Variants in TEF observed in about 807,000 individuals in gnomAD.
TEF encodes thyrotroph embryonic factor.
TEF carries 3 observed loss-of-function variants against 20.8 expected under a neutral mutation model. The observed-to-expected ratio is 0.14, with a 90% CI of 0.07 to 0.37. The LOEUF is 0.37. Among genes scored for constraint, TEF ranks in the 10% least tolerant of loss-of-function variants. The pLI, the probability that TEF is intolerant of heterozygous loss-of-function variation, is 1.00. For synonymous variants in TEF, 180 were observed against 171.1 expected, an observed-to-expected ratio of 1.05 and a Z score of -0.41; for missense variants, 296 against 397.9, an observed-to-expected ratio of 0.74 and a Z score of 2.18.
intron 1 of TEF, among the ~76,000 whole-genome samples, chr22:41,383,911 G>A (rs1194441416): frequency 3.9e-5 from 6 of 152,220 alleles, no homozygotes; most frequent in Non-Finnish European, 2.9e-5. Flanking sequence ...AGGGAGGAGA[G>A]CAGGAAGGCC....
At chr22:41,368,691 G>A (rs1020249578) in intron 1 of TEF, among the ~76,000 whole-genome samples, 1 of 152,144 alleles carries the variant, frequency 6.6e-6, no homozygotes, top group Non-Finnish European at 1.5e-5. Flanking sequence ...TTAGGGCAGG[G>A]GCTCCGGAGC....
intron 1 of TEF, among the ~76,000 whole-genome samples, chr22:41,383,833 G>A (rs1251514113): frequency 1.3e-5 from 2 of 152,134 alleles, no homozygotes; most frequent in Non-Finnish European, 2.9e-5. Context: ...TGCCTCCTTT[G>A]ATCCCAAATG....
At chr22:41,393,122 C>G (rs1426571093) in intron 2 of TEF, among the ~76,000 whole-genome samples, 1 of 151,856 alleles carries the variant, frequency 6.6e-6, no homozygotes, top group Admixed American at 6.6e-5. Flanking sequence ...AGGAAGATCA[C>G]TTGAGCCTAG....
At chr22:41,388,543 C>T (rs918849350) in intron 2 of TEF, among the ~76,000 whole-genome samples, 2 of 151,080 alleles carry the variant, frequency 1.3e-5, no homozygotes, top group Non-Finnish European at 2.9e-5. Context: ...ACCTCCATTA[C>T]CTACTAGCCT....
intron 1 of TEF, among the ~76,000 whole-genome samples, chr22:41,374,336 G>T (rs370874192): frequency 1.6e-3 from 246 of 152,152 alleles, no homozygotes; most frequent in African/African-American, 5.6e-3. Flanking sequence ...GGATCACAAG[G>T]TCAGGAGATC....
upstream of TEF, among the ~76,000 whole-genome samples, chr22:41,379,999 G>A (rs1255803156): frequency 6.6e-6 from 1 of 152,042 alleles, no homozygotes; most frequent in Non-Finnish European, 1.5e-5. Context: ...AAATGACTGA[G>A]GTTCAATTAC....
chr22:41,380,926 C>G (rs939259995), upstream of TEF, among the ~76,000 whole-genome samples: 1 of 152,230 alleles, frequency 6.6e-6, no homozygotes, highest in Non-Finnish European at 1.5e-5. Flanking sequence ...CTGTTTGGGA[C>G]TGTGGAGATT....
At position 41,394,136 on chromosome 22, in the gene TEF, C is replaced by T. The variant is rs2037199498; in HGVS notation, c.516C>T (p.Ile172=). ...AGGAGAGGGAGACTCCCAGTCCCAT[C>T]GACCCCAATTGTGTGGAAGTGGATG... ...LEKERETPSP[I]DPNCVEVDVN... Residue 172 remains isoleucine (I), a synonymous_variant, in exon 3 of 4, where the codon ATC becomes ATT. Transcript: ENST00000266304. 3.1e-6 allele frequency: 5 copies of T among 1,613,944 alleles called. No homozygotes were observed. Among genetic ancestry groups the T allele is most frequent in the African/African-American group, 1.3e-5 (1 of 74,880 alleles).
chr22:41,395,873 G>T lies in TEF; in HGVS notation c.825G>T (p.Leu275=). 6.2e-7 allele frequency: 1 copy of T among 1,614,218 alleles called. No individual in the cohort carries two copies. Among genetic ancestry groups the T allele is most frequent in the Non-Finnish European group, 8.5e-7 (1 of 1,180,026 alleles). Residue 275 remains leucine, a synonymous_variant, in exon 4 of 4, where the codon CTG becomes CTT. Coordinates refer to ENST00000266304, the MANE Select transcript of TEF (RefSeq NM_003216.4). ...AAFLEKENTA[L]RTEVAELRKE... is the part of the protein sequence containing the mutation. ...TCCTGGAGAAGGAGAACACAGCCCTGCGGACGGAGGTGGCCGAGCTACGCA... is the reference window on the plus strand; with the variant it reads ...TCCTGGAGAAGGAGAACACAGCCCTTCGGACGGAGGTGGCCGAGCTACGCA...
At chr22:41,379,024 C>T (rs562483296), upstream of TEF, among the ~76,000 whole-genome samples, 5 of 152,298 alleles carry the variant, frequency 3.3e-5, no homozygotes, top group Admixed American at 3.3e-4. Flanking sequence ...AACTGTGCGC[C>T]TACGCAAATT....
intron 1 of TEF, among the ~76,000 whole-genome samples, chr22:41,375,527 G>C (rs1469266906): frequency 6.6e-6 from 1 of 152,162 alleles, no homozygotes; most frequent in Non-Finnish European, 1.5e-5. Context: ...GAGGCGGGCG[G>C]ATCGCGAGGT....
At chr22:41,369,964 C>T (rs1601808732) in intron 1 of TEF, 4 of 985,310 alleles carry the variant, frequency 4.1e-6, no homozygotes, top group East Asian at 2.3e-4. Flanking sequence ...TGTGCTTCGG[C>T]ACACATTTAG....
intron 1 of TEF, among the ~76,000 whole-genome samples, chr22:41,368,047 G>A (rs1484185732): frequency 5.9e-5 from 9 of 152,256 alleles, no homozygotes; most frequent in East Asian, 1.9e-4. Flanking sequence ...CCCGCTTGCC[G>A]GAGGGCTGAA....
Position 41,394,211 on chromosome 22 carries a change from C to T in TEF, c.591C>T (p.Gly197=), listed in dbSNP as rs770394009. ...ACCTGGTGCTCTCCAGTGTGCCAGGCGGGGAGCTCTTCAACCCTCGGAAGC... is the reference window on the plus strand; with the variant it reads ...ACCTGGTGCTCTCCAGTGTGCCAGGTGGGGAGCTCTTCAACCCTCGGAAGC... The part of the protein sequence containing the change: ...PADLVLSSVP[G]GELFNPRKHK... Residue 197 remains glycine, a synonymous_variant, in exon 3 of 4, where the codon GGC becomes GGT. Transcript: ENST00000266304. The T allele has an allele frequency of 1.1e-5, 18 of 1,613,992 alleles. No individual in the cohort carries two copies. Among genetic ancestry groups the T allele is most frequent in the African/African-American group, 2.7e-5 (2 of 74,890 alleles).
Position 41,387,346 on chromosome 22 carries a change from T to C in TEF, c.158-5T>C. The C allele has an allele frequency of 6.2e-7, 1 of 1,613,968 alleles. No homozygotes were observed. The highest frequency in any genetic ancestry group is 8.5e-7 in the Non-Finnish European group (1 of 1,179,888). Reference sequence around the variant, plus strand: ...GGTATTTCATCGCAGATTTTGTTTCTGCAGATAAGGAAAAGGGGAAGGAAA... The same window carrying C: ...GGTATTTCATCGCAGATTTTGTTTCCGCAGATAAGGAAAAGGGGAAGGAAA... On this transcript the variant is annotated splice_region_variant and splice_polypyrimidine_tract_variant and intron_variant, in intron 1 of 3. Transcript: ENST00000266304.
intron 2 of TEF, among the ~76,000 whole-genome samples, chr22:41,389,146 A>G (rs1288783288): frequency 6.6e-6 from 1 of 152,160 alleles, no homozygotes; most frequent in African/African-American, 2.4e-5. Flanking sequence ...CACGTCTGTA[A>G]TCCCAGCACT....
Position 41,397,230 on chromosome 22 carries a change from G to A in TEF, c.*1270G>A, listed in dbSNP as rs2037240808. 4 of 397,804 alleles carry A rather than the reference G, an allele frequency of 1.0e-5. No homozygotes were observed. Among genetic ancestry groups the A allele is most frequent in the East Asian group, 7.1e-5 (2 of 28,060 alleles). The allele number at this position is 397,804 out of a possible 1,614,324, so 24.6% of individuals were successfully genotyped here. On this transcript the variant is annotated 3_prime_UTR_variant, in exon 4 of 4. Transcript: ENST00000266304. ...TGGTCCCAGGAGATGGGGGCCACTC[G>A]TGAGGCTGGCCATGCTGTGGCTTCT...
Position 41,394,175 on chromosome 22 carries a change from G to C in TEF, c.555G>C (p.Pro185=). The part of the protein sequence containing the change: ...NCVEVDVNFN[P]DPADLVLSSV... ...TGGAAGTGGATGTGAACTTCAATCC[G>C]GACCCCGCCGACCTGGTGCTCTCCA... is the stretch of plus-strand genomic sequence containing the variant. The change falls in exon 3 of 4, where the codon CCG becomes CCC. Residue 185 remains proline, a synonymous_variant. Transcript: ENST00000266304. 1 of 1,614,086 alleles carries C rather than the reference G, an allele frequency of 6.2e-7. No individual in the cohort carries two copies. Among genetic ancestry groups the C allele is most frequent in the Non-Finnish European group, 8.5e-7 (1 of 1,179,986 alleles).
upstream of TEF, among the ~76,000 whole-genome samples, chr22:41,381,245 G>A (rs1035658769): frequency 6.6e-6 from 1 of 152,226 alleles, no homozygotes; most frequent in East Asian, 1.9e-4. Flanking sequence ...TAAGCTCAGC[G>A]TCCCTGCCCC....
Sources: allele counts gnomAD v4.1 joint callset (sites outside exome capture counted in the v4.1 genomes callset), GRCh38; gene constraint gnomAD v4.1.1; transcripts MANE v1.5; gene names NCBI Gene and HGNC (gene_info 2026-07-23, HGNC 2026-07-21).